Variants in OSBP observed in about 807,000 individuals in gnomAD.
OSBP encodes the protein oxysterol-binding protein 1.
OSBP carries 32 observed loss-of-function variants against 96.6 expected under a neutral mutation model. That is an observed-to-expected ratio of 0.33 (90% CI 0.25 to 0.45). The LOEUF (loss-of-function observed/expected upper bound fraction) is 0.45, where lower values mean the gene tolerates loss of function less well. Ranked by LOEUF, OSBP falls within the 20% of genes least tolerant of loss-of-function variation. OSBP has a pLI of 1.00. For synonymous variants in OSBP, 369 were observed against 389.6 expected (o/e 0.95, Z 0.62); for missense variants, 653 against 1,029.7 (o/e 0.63, Z 5.01).
At chr11:59,596,242 A>G (rs983837451) in intron 7 of OSBP, among the ~76,000 whole-genome samples, 1 of 152,136 alleles carries the variant, frequency 6.6e-6, no homozygotes, top group Non-Finnish European at 1.5e-5. Flanking sequence ...ATTCTTTTTA[A>G]AGAGGGCACT....
chr11:59,612,017 T>A (rs1185816298), intron 1 of OSBP, among the ~76,000 whole-genome samples: 1 of 152,220 alleles, frequency 6.6e-6, no homozygotes, highest in African/African-American at 2.4e-5. Flanking sequence ...TCAAAGTCCT[T>A]TGCCAACTGC....
chr11:59,608,504 T>C lies in OSBP; in HGVS notation c.802A>G (p.Thr268Ala). The change falls in exon 3 of 14, where the codon ACA (threonine) becomes GCA (alanine). Residue 268 changes from threonine to alanine, a missense_variant. Thr to Ala is a moderately conservative substitution (Grantham distance 58). Coordinates refer to ENST00000263847, the MANE Select transcript of OSBP (RefSeq NM_002556.3). Reference sequence around the variant, plus strand: ...CTCACGTTGATCATGGCATTGGATGTTATCCTAAAGAGTGTGGCTCGTTCG... The same window carrying C: ...CTCACGTTGATCATGGCATTGGATGCTATCCTAAAGAGTGTGGCTCGTTCG... ...VNERATLFRI[T>A]SNAMINACRD... 1.9e-6 allele frequency: 3 copies of C among 1,614,172 alleles called. No homozygotes were observed. Among genetic ancestry groups the C allele is most frequent in the South Asian group, 1.1e-5 (1 of 91,082 alleles).
intron 12 of OSBP, among the ~76,000 whole-genome samples, chr11:59,577,547 C>A (rs1396920975): frequency 2.6e-5 from 4 of 152,248 alleles, no homozygotes; most frequent in Non-Finnish European, 5.9e-5. Flanking sequence ...GGCTGGAGTG[C>A]AGTGGCATGA....
intron 10 of OSBP, among the ~76,000 whole-genome samples, chr11:59,580,794 T>C (rs771572179): frequency 1.3e-5 from 2 of 152,194 alleles, no homozygotes; most frequent in Non-Finnish European, 2.9e-5. Flanking sequence ...GTTGGGATTA[T>C]AGGCATGAGC....
At chr11:59,587,747 C>T (rs1403317079) in intron 9 of OSBP, among the ~76,000 whole-genome samples, 1 of 152,140 alleles carries the variant, frequency 6.6e-6, no homozygotes, top group Non-Finnish European at 1.5e-5. Context: ...TAACCATTGT[C>T]GAAGACAGTA....
chr11:59,607,502 A>G (rs1198257225), intron 3 of OSBP, among the ~76,000 whole-genome samples: 1 of 152,200 alleles, frequency 6.6e-6, no homozygotes, highest in Non-Finnish European at 1.5e-5. Context: ...GGGTTAAATG[A>G]GAAAAACGAT....
chr11:59,596,230 C>T (rs1310635028), intron 7 of OSBP, among the ~76,000 whole-genome samples: 1 of 151,938 alleles, frequency 6.6e-6, no homozygotes, highest in Non-Finnish European at 1.5e-5. Flanking sequence ...CCATAATCCT[C>T]GATTCTTTTT....
chr11:59,601,940 G>A (rs753324574), intron 3 of OSBP, 102 bp from the exon 4 acceptor site: 14 of 967,542 alleles, frequency 1.4e-5, no homozygotes, highest in Non-Finnish European at 2.0e-5. Flanking sequence ...ACTTTTAACT[G>A]GCAAATTACA....
At chr11:59,602,696 T>G (rs1201765399) in intron 3 of OSBP, among the ~76,000 whole-genome samples, 1 of 152,216 alleles carries the variant, frequency 6.6e-6, no homozygotes, top group Non-Finnish European at 1.5e-5. Context: ...CACAGCTCAC[T>G]GCAGCCTCAA....
Position 59,615,728 on chromosome 11 carries a change from A to G in OSBP, c.-64T>C. 1 of 1,245,952 alleles carries G rather than the reference A, an allele frequency of 8.0e-7. No homozygotes were observed. Among genetic ancestry groups the G allele is most frequent in the Non-Finnish European group, 1.0e-6 (1 of 994,776 alleles). The allele number at this position is 1,245,952 out of a possible 1,614,324, so 77.2% of individuals were successfully genotyped here. On this transcript the variant is annotated 5_prime_UTR_variant, in exon 1 of 14. Transcript: ENST00000263847. ...TACGAGAGCCGCCGTCGCCGCCCGG[A>G]GCGCCCCACACGGCTACCGCATCAG...
intron 10 of OSBP, among the ~76,000 whole-genome samples, 153 bp from the exon 11 acceptor site, chr11:59,580,422 C>A (rs1860407044): frequency 1.3e-5 from 2 of 152,210 alleles, no homozygotes; most frequent in Admixed American, 1.3e-4. Flanking sequence ...GCTATAGAAT[C>A]CCTATGTAAC....
chr11:59,615,288 C>T lies in OSBP; in HGVS notation c.362+15G>A. ...GGGGAGGCAAGGTGAGCGACAGCGC[C>T]CCGGAAGCAGTTACCTGTAGTAGCT... On this transcript the variant is annotated intron_variant, in intron 1 of 13. Transcript: ENST00000263847. The T allele has an allele frequency of 6.3e-7, 1 of 1,587,420 alleles. No homozygotes were observed.
At chr11:59,578,384 T>C in intron 11 of OSBP, 54 bp from the exon 12 acceptor site, 1 of 1,520,894 alleles carries the variant, frequency 6.6e-7, no homozygotes, top group South Asian at 1.2e-5. Flanking sequence ...TGAATTAGCT[T>C]ACCTGACTAT....
chr11:59,608,660 T>C lies in OSBP; in HGVS notation c.646A>G (p.Ser216Gly). The C allele has an allele frequency of 3.7e-6, 6 of 1,614,128 alleles. No homozygotes were observed. Among genetic ancestry groups the C allele is most frequent in the Non-Finnish European group, 5.1e-6 (6 of 1,179,952 alleles). The change falls in exon 3 of 14, where the codon AGC becomes GGC. Residue 216 changes from serine to glycine, a missense_variant. Physicochemically the swap from Ser to Gly is moderately conservative, Grantham distance 56. Coordinates refer to ENST00000263847, the MANE Select transcript of OSBP (RefSeq NM_002556.3). ...ELQNTLRTLS[S>G]KVEDLSTCND... ...CACGTGCTCAAGTCCTCTACTTTGC[T>C]AGAGAGGGTCCGAAGGGTATTCTGC...
chr11:59,594,297 C>T, intron 7 of OSBP, 42 bp from the exon 8 acceptor site: 1 of 1,585,066 alleles, frequency 6.3e-7, no homozygotes, highest in Non-Finnish European at 8.6e-7. Context: ...GCTCACTCAT[C>T]TATAAGAGAC....
intron 9 of OSBP, among the ~76,000 whole-genome samples, chr11:59,587,263 A>G (rs1860510829): frequency 1.3e-5 from 2 of 152,140 alleles, no homozygotes; most frequent in Non-Finnish European, 2.9e-5. Flanking sequence ...CACTTTGGGA[A>G]GCCGAGGCAG....
chr11:59,577,400 A>T (rs1336056022), intron 12 of OSBP, among the ~76,000 whole-genome samples: 1 of 152,214 alleles, frequency 6.6e-6, no homozygotes, highest in Non-Finnish European at 1.5e-5. Context: ...ACTGTATTAG[A>T]TGACGACAGG....
intron 1 of OSBP, among the ~76,000 whole-genome samples, chr11:59,611,199 T>C (rs1860842640): frequency 6.6e-6 from 1 of 150,830 alleles, no homozygotes; most frequent in Non-Finnish European, 1.5e-5. Context: ...GAGGTATAAC[T>C]ACATGCAATG....
chr11:59,586,174 T>C (rs866166393), intron 9 of OSBP, among the ~76,000 whole-genome samples: 1 of 46,576 alleles, frequency 2.1e-5, no homozygotes. Flanking sequence ...AAAAAATAAA[T>C]AAAGAAAAAA....
Sources: allele counts gnomAD v4.1 joint callset (sites outside exome capture counted in the v4.1 genomes callset), GRCh38; gene constraint gnomAD v4.1.1; transcripts MANE v1.5; gene names NCBI Gene and HGNC (gene_info 2026-07-23, HGNC 2026-07-21).